Variants in NR3C2 observed in about 807,000 individuals in gnomAD.
The protein encoded by NR3C2 is mineralocorticoid receptor.
In NR3C2, 15 loss-of-function variants were observed where a neutral mutation model predicts 86.4. The observed-to-expected ratio is 0.17, with a 90% CI of 0.12 to 0.27. The LOEUF (loss-of-function observed/expected upper bound fraction) is 0.27, where lower values mean the gene tolerates loss of function less well. Ranked by LOEUF, NR3C2 falls within the 10% of genes least tolerant of loss-of-function variation. NR3C2 has a pLI of 1.00. For missense variants in NR3C2, 960 were observed against 1,195.6 expected (o/e 0.80, Z 2.91); for synonymous variants, 458 against 450.5 (o/e 1.02, Z -0.21).
At chr4:148,120,397 G>T in intron 6 of NR3C2, 109 bp from the exon 7 acceptor site, 1 of 1,309,744 alleles carries the variant, frequency 7.6e-7, no homozygotes, top group Non-Finnish European at 1.1e-6. Flanking sequence ...TCTCCTTTTG[G>T]CTTCAACATG....
chr4:148,245,765 T>C (rs977383699), intron 3 of NR3C2, among the ~76,000 whole-genome samples: 9 of 152,194 alleles, frequency 5.9e-5, no homozygotes, highest in African/African-American at 2.2e-4. Context: ...TAAGCTTTAT[T>C]AGACTGAACC....
chr4:148,344,331 C>T (rs10034789), intron 2 of NR3C2, among the ~76,000 whole-genome samples: 45,115 of 151,926 alleles, frequency 0.3, 7,271 homozygotes, highest in Middle Eastern at 0.41. Context: ...TTATAAGTAA[C>T]GACAAAGATA....
intron 4 of NR3C2, 73 bp downstream of exon 4, chr4:148,194,673 G>A: frequency 1.0e-6 from 1 of 996,076 alleles, no homozygotes; most frequent in Non-Finnish European, 1.6e-6. Context: ...TTTCAATTTT[G>A]AGAGTACACA....
At chr4:148,419,792 A>G (rs968743452) in intron 2 of NR3C2, among the ~76,000 whole-genome samples, 7 of 152,160 alleles carry the variant, frequency 4.6e-5, no homozygotes, top group African/African-American at 1.7e-4. Flanking sequence ...GCCCTTTCCA[A>G]TCATTAATTT....
chr4:148,145,176 G>A (rs993237359), intron 6 of NR3C2, among the ~76,000 whole-genome samples: 4 of 152,154 alleles, frequency 2.6e-5, no homozygotes, highest in South Asian at 2.1e-4. Context: ...TCAAGCACGC[G>A]CATGAAGAGG....
chr4:148,303,612 C>T (rs1742453511), intron 2 of NR3C2, among the ~76,000 whole-genome samples: 1 of 152,046 alleles, frequency 6.6e-6, no homozygotes. Context: ...ATACAACCCC[C>T]CGAGATGCAT....
chr4:148,409,267 TTG>T (rs899786824), intron 2 of NR3C2, among the ~76,000 whole-genome samples: 1 of 152,182 alleles, frequency 6.6e-6, no homozygotes, highest in African/African-American at 2.4e-5. Flanking sequence ...ATAGGTTTTA[TTG>T]TCTTAATTAT....
chr4:148,414,608 ACC>A (rs1748904884), intron 2 of NR3C2, among the ~76,000 whole-genome samples: 1 of 152,128 alleles, frequency 6.6e-6, no homozygotes, highest in Non-Finnish European at 1.5e-5. Context: ...TTGCATTTTG[ACC>A]TTAATGTTAT....
At chr4:148,301,194 A>T (rs932303434) in intron 2 of NR3C2, among the ~76,000 whole-genome samples, 1 of 152,130 alleles carries the variant, frequency 6.6e-6, no homozygotes, top group Non-Finnish European at 1.5e-5. Flanking sequence ...CTGTGTAGTT[A>T]TATATGTATT....
chr4:148,181,077 A>G (rs537460063), intron 4 of NR3C2, among the ~76,000 whole-genome samples: 1 of 152,226 alleles, frequency 6.6e-6, no homozygotes, highest in South Asian at 2.1e-4. Context: ...GGCCACCTTT[A>G]CAGGATCCTG....
chr4:148,411,342 T>C (rs1748693426), intron 2 of NR3C2, among the ~76,000 whole-genome samples: 1 of 152,180 alleles, frequency 6.6e-6, no homozygotes, highest in Non-Finnish European at 1.5e-5. Context: ...ACTTAATATT[T>C]AGATTTAAAA....
In NR3C2 at chr4:148,368,280, C is replaced by T. The variant is rs914061692; in HGVS notation, c.1757+66824G>A. ...TGTCTCTCACCTCTGAGCCTTTGTA[C>T]ACTTGCGGTTTCAGCTTAAAAATCC... On this transcript the variant is annotated intron_variant, in intron 2 of 8. Coordinates refer to ENST00000358102, the MANE Select transcript of NR3C2 (RefSeq NM_000901.5). 3 of 152,162 alleles carry T rather than the reference C, an allele frequency of 2.0e-5. No individual in the cohort carries two copies. In the South Asian group the frequency reaches 6.2e-4, roughly 32 times the overall value. The allele number at this position is 152,162 out of a possible 1,614,324, so 9.4% of individuals were successfully genotyped here. A position where few individuals can be genotyped will look rare whatever the true frequency, so the allele number is the denominator to read the frequency against.
At chr4:148,321,689 T>G (rs899588426) in intron 2 of NR3C2, among the ~76,000 whole-genome samples, 2 of 152,246 alleles carry the variant, frequency 1.3e-5, no homozygotes, top group Admixed American at 6.5e-5. Flanking sequence ...TATCAGAGAC[T>G]AGGATTGCAA....
At chr4:148,222,690 C>G (rs1737923326) in intron 3 of NR3C2, among the ~76,000 whole-genome samples, 1 of 152,082 alleles carries the variant, frequency 6.6e-6, no homozygotes. Flanking sequence ...ATAGAGACAC[C>G]TCATTTAATT....
chr4:148,378,591 A>AGT (rs1295379455), intron 2 of NR3C2, among the ~76,000 whole-genome samples: 1 of 152,066 alleles, frequency 6.6e-6, no homozygotes, highest in South Asian at 2.1e-4. Flanking sequence ...GTTGTTTAAA[A>AGT]GTGTGTGGAA....
At chr4:148,131,275 G>A (rs920644274) in intron 6 of NR3C2, among the ~76,000 whole-genome samples, 4 of 152,288 alleles carry the variant, frequency 2.6e-5, no homozygotes, top group East Asian at 3.9e-4. Flanking sequence ...GTGCACAGAC[G>A]TAATCACAGC....
chr4:148,344,230 T>C (rs1328345678), intron 2 of NR3C2, among the ~76,000 whole-genome samples: 3 of 152,176 alleles, frequency 2.0e-5, no homozygotes, highest in Admixed American at 2.0e-4. Flanking sequence ...TAGAGTTTTT[T>C]AAACTTTCTG....
chr4:148,412,995 CA>C (rs1040334120), intron 2 of NR3C2, among the ~76,000 whole-genome samples: 5 of 152,196 alleles, frequency 3.3e-5, no homozygotes, highest in Admixed American at 1.3e-4. Flanking sequence ...TTTAAGACAG[CA>C]ATCTCAATCT....
At chr4:148,285,720 C>CAA (rs1007157875) in intron 2 of NR3C2, among the ~76,000 whole-genome samples, 43 of 150,876 alleles carry the variant, frequency 2.9e-4, no homozygotes, top group African/African-American at 9.9e-4. Flanking sequence ...AAAACAAAAA[C>CAA]AAACAAACAA....
Sources: allele counts gnomAD v4.1 joint callset (sites outside exome capture counted in the v4.1 genomes callset), GRCh38; gene constraint gnomAD v4.1.1; transcripts MANE v1.5; gene names NCBI Gene and HGNC (gene_info 2026-07-23, HGNC 2026-07-21).